The following NR1H4 variants were observed in gnomAD, a reference collection of about 807,000 sequenced individuals.
The protein encoded by NR1H4 is bile acid receptor.
A neutral mutation model predicts 58.5 loss-of-function variants in NR1H4; 23 were observed. The observed-to-expected ratio is 0.39, with a 90% CI of 0.28 to 0.56. The LOEUF (loss-of-function observed/expected upper bound fraction) is 0.56, where lower values mean the gene tolerates loss of function less well. Among genes scored for constraint, NR1H4 ranks in the 20% least tolerant of loss-of-function variants. The pLI, the probability that NR1H4 is intolerant of heterozygous loss-of-function variation, is 0.58. For synonymous variants in NR1H4, 214 were observed against 198.0 expected (o/e 1.08, Z -0.68); for missense variants, 487 against 576.9 (o/e 0.84, Z 1.60).
At chr12:100,551,651 A>G (rs1955204754) in intron 9 of NR1H4, among the ~76,000 whole-genome samples, 1 of 152,220 alleles carries the variant, frequency 6.6e-6, no homozygotes, top group South Asian at 2.1e-4. Flanking sequence ...GGTTATTTCC[A>G]TTGCCCCTAG....
intron 1 of NR1H4, among the ~76,000 whole-genome samples, chr12:100,490,085 G>A (rs1953574375): frequency 6.6e-6 from 1 of 152,166 alleles, no homozygotes; most frequent in African/African-American, 2.4e-5. Context: ...CATTTCTCCA[G>A]GAAGAGCAAG....
Position 100,535,039 on chromosome 12 carries a change from G to A in NR1H4, c.732+16G>A, listed in dbSNP as rs188617231. 7 of 1,614,080 alleles carry A rather than the reference G, an allele frequency of 4.3e-6. No homozygotes were observed. Among genetic ancestry groups the A allele is most frequent in the Non-Finnish European group, 2.5e-6 (3 of 1,179,942 alleles). On this transcript the variant is annotated intron_variant, in intron 6 of 10. Transcript: ENST00000392986. ...GTCATGCAGGGTAATAATATGCAAT[G>A]GTGTCTGCCAAGACTGGCAGGAACT... is the stretch of plus-strand genomic sequence containing the variant.
intron 9 of NR1H4, among the ~76,000 whole-genome samples, chr12:100,542,455 A>G (rs1954960995): frequency 6.6e-6 from 1 of 152,226 alleles, no homozygotes; most frequent in African/African-American, 2.4e-5. Context: ...TAACACTGTG[A>G]CAGGGAAGCT....
Position 100,511,186 on chromosome 12 carries a change from A to G in NR1H4, c.445+43A>G, listed in dbSNP as rs752677211. Reference sequence around the variant, plus strand: ...GCAGTTTTCTCCTTCAGGTTTTACTATATTGGTTGTTGAAATCCCTTGAAC... The same window carrying G: ...GCAGTTTTCTCCTTCAGGTTTTACTGTATTGGTTGTTGAAATCCCTTGAAC... On this transcript the variant is annotated intron_variant, in intron 4 of 10. Coordinates refer to ENST00000392986, the MANE Select transcript of NR1H4 (RefSeq NM_001206979.2). 56 of 1,613,582 alleles carry G rather than the reference A, an allele frequency of 3.5e-5. No homozygotes were observed. The Admixed American group carries it at 6.5e-4, about 19-fold the overall frequency.
Position 100,493,348 on chromosome 12 carries a change from G to A in NR1H4, c.25G>A (p.Glu9Lys). ...GATGGGATCAAAAATGAATCTCATT[G>A]AACATTCCCATTTACCTACCACAGA... MGSKMNLI[E>K]HSHLPTTDEF... Residue 9 changes from glutamate (E) to lysine (K), a missense_variant, in exon 3 of 11, where the codon GAA becomes AAA. Coordinates refer to ENST00000392986, the MANE Select transcript of NR1H4 (RefSeq NM_001206979.2). 1 of 1,576,678 alleles carries A rather than the reference G, an allele frequency of 6.3e-7. No individual in the cohort carries two copies. Among genetic ancestry groups the A allele is most frequent in the Non-Finnish European group, 8.7e-7 (1 of 1,150,666 alleles).
chr12:100,476,348 G>C (rs1474988311), intron 1 of NR1H4, among the ~76,000 whole-genome samples: 2 of 152,192 alleles, frequency 1.3e-5, no homozygotes, highest in Middle Eastern at 3.2e-3. Context: ...ATTTTCGAGA[G>C]ATTGCACCAT....
At chr12:100,537,118 T>C in intron 8 of NR1H4, 71 bp downstream of exon 8, 5 of 926,716 alleles carry the variant, frequency 5.4e-6, no homozygotes, top group Non-Finnish European at 8.6e-6. Flanking sequence ...AGATTACCTA[T>C]TTTACATACG....
chr12:100,532,876 A>G (rs1309734928), intron 5 of NR1H4, among the ~76,000 whole-genome samples: 1 of 152,186 alleles, frequency 6.6e-6, no homozygotes, highest in East Asian at 1.9e-4. Flanking sequence ...CATACCATTC[A>G]AATAATGTGC....
chr12:100,527,684 C>T (rs1335868081), intron 4 of NR1H4, among the ~76,000 whole-genome samples: 2 of 152,168 alleles, frequency 1.3e-5, no homozygotes, highest in Non-Finnish European at 2.9e-5. Context: ...ATGTGATGTT[C>T]CCCTTCCTGT....
At chr12:100,560,347 A>G (rs1244284330) in intron 9 of NR1H4, among the ~76,000 whole-genome samples, 1 of 152,112 alleles carries the variant, frequency 6.6e-6, no homozygotes, top group Non-Finnish European at 1.5e-5. Flanking sequence ...GCTCTTTGCA[A>G]TAACTCTTGC....
chr12:100,500,014 A>C (rs1397249409), intron 3 of NR1H4: 1 of 455,436 alleles, frequency 2.2e-6, no homozygotes, highest in East Asian at 6.9e-5. Context: ...CTCTCACAAC[A>C]CACCTATAAG....
intron 9 of NR1H4, among the ~76,000 whole-genome samples, chr12:100,557,041 T>C (rs1016901891): frequency 7.2e-5 from 11 of 152,214 alleles, no homozygotes; most frequent in Non-Finnish European, 1.5e-4. Context: ...TTACATTTTA[T>C]TTTAGATTCA....
At chr12:100,559,703 C>G (rs1050686478) in intron 9 of NR1H4, among the ~76,000 whole-genome samples, 2 of 152,234 alleles carry the variant, frequency 1.3e-5, no homozygotes, top group African/African-American at 4.8e-5. Context: ...GCCTCCCCAA[C>G]GAGCACCACC....
In NR1H4 at chr12:100,493,341, T is replaced by C. The variant is rs140648896; in HGVS notation, c.18T>C (p.Asn6=). The change falls in exon 3 of 11, where the codon AAT becomes AAC. Residue 6 remains asparagine, a synonymous_variant. Transcript: ENST00000392986. The part of the protein sequence containing the change: MGSKM[N]LIEHSHLPTT... Reference sequence around the variant, plus strand: ...AAATTTGGATGGGATCAAAAATGAATCTCATTGAACATTCCCATTTACCTA... The same window carrying C: ...AAATTTGGATGGGATCAAAAATGAACCTCATTGAACATTCCCATTTACCTA... 1.9e-4 allele frequency: 304 copies of C among 1,572,162 alleles called. No individual in the cohort carries two copies. Among genetic ancestry groups the C allele is most frequent in the African/African-American group, 1.7e-3 (125 of 74,334 alleles).
intron 3 of NR1H4, among the ~76,000 whole-genome samples, chr12:100,505,266 T>C (rs1357244403): frequency 6.6e-6 from 1 of 152,234 alleles, no homozygotes; most frequent in Non-Finnish European, 1.5e-5. Context: ...CCATTGTTTT[T>C]ATGCAAACCT....
chr12:100,511,622 A>G (rs1373859794), intron 4 of NR1H4, among the ~76,000 whole-genome samples: 1 of 151,390 alleles, frequency 6.6e-6, no homozygotes, highest in Non-Finnish European at 1.5e-5. Flanking sequence ...AATAGCTTAT[A>G]TTACAAAAAA....
rs747983419 is a variant in NR1H4, at chr12:100,493,354, T to C, written c.31T>C (p.Ser11Pro). The C allele has an allele frequency of 6.3e-7, 1 of 1,580,070 alleles. No homozygotes were observed. ...ATCAAAAATGAATCTCATTGAACAT[T>C]CCCATTTACCTACCACAGATGAATT... MGSKMNLIEH[S>P]HLPTTDEFSF... The change falls in exon 3 of 11, where the codon TCC becomes CCC. Residue 11 changes from serine to proline, a missense_variant. Physicochemically the swap from Ser to Pro is moderately conservative, Grantham distance 74. Transcript: ENST00000392986.
intron 4 of NR1H4, among the ~76,000 whole-genome samples, chr12:100,522,109 G>A (rs534843449): frequency 6.6e-6 from 1 of 152,076 alleles, no homozygotes; most frequent in East Asian, 1.9e-4. Context: ...TAAAGATGAG[G>A]AGATGATGAT....
At chr12:100,551,184 G>A (rs1196652190) in intron 9 of NR1H4, among the ~76,000 whole-genome samples, 1 of 152,208 alleles carries the variant, frequency 6.6e-6, no homozygotes, top group Non-Finnish European at 1.5e-5. Context: ...ATAAGCAGTT[G>A]TTAGCAATTT....
Sources: gnomAD v4.1 joint callset for allele counts (sites outside exome capture counted in the v4.1 genomes callset) on GRCh38, gnomAD v4.1.1 for gene constraint, MANE v1.5 for transcripts, NCBI Gene and HGNC (gene_info 2026-07-23, HGNC 2026-07-21) for gene names.